The following TAAR1 variants were observed in gnomAD, a reference collection of about 807,000 sequenced individuals.
TAAR1 encodes trace amine-associated receptor 1.
Under a neutral mutation model 1.2 loss-of-function variants are expected in TAAR1, and 1 was observed. The observed-to-expected ratio is 0.81, with a 90% confidence interval of 0.29 to 3.86. The LOEUF is 3.86. Ranked by LOEUF, TAAR1 falls within the 30% of genes most tolerant of loss-of-function variation. TAAR1 has a pLI of 0.18. For missense variants in TAAR1, 445 were observed against 405.6 expected (o/e 1.10, Z -0.83); for synonymous variants, 153 against 132.2 (o/e 1.16, Z -1.08).
chr6:132,647,703 A>AG (rs1562203138), intron 1 of TAAR1, among the ~76,000 whole-genome samples: 4 of 151,368 alleles, frequency 2.6e-5, no homozygotes, highest in African/African-American at 9.7e-5. Context: ...AAGGAAGGAA[A>AG]GAAGGAAGGA....
At chr6:132,656,394 T>A (rs1281012505) in intron 1 of TAAR1, among the ~76,000 whole-genome samples, 1 of 151,474 alleles carries the variant, frequency 6.6e-6, no homozygotes, top group Admixed American at 6.6e-5. Context: ...AGGCAGAAGG[T>A]AAGGAAAGGG....
chr6:132,652,676 A>C (rs28591660), intron 1 of TAAR1, among the ~76,000 whole-genome samples: 36,949 of 146,080 alleles, frequency 0.25, 5,008 homozygotes, highest in East Asian at 0.44. Context: ...AGGATAGAAG[A>C]ATTCCTGGCT....
Position 132,645,572 on chromosome 6 carries a change from G to T in TAAR1, c.432C>A (p.Ile144=). 3.7e-6 allele frequency: 6 copies of T among 1,613,582 alleles called. No homozygotes were observed. In the South Asian group the frequency reaches 6.6e-5, roughly 18 times the overall value. ...KMNILVICVM[I]FISWSVPAVF... ...CAGCAGGGACACTCCAACTAATGAA[G>T]ATCATCACACAAATAACCAAGATAT... The change falls in exon 2 of 2, where the codon ATC becomes ATA. Residue 144 remains isoleucine, a synonymous_variant. Transcript: ENST00000275216.
At chr6:132,653,946 T>C (rs1777774858) in intron 1 of TAAR1, among the ~76,000 whole-genome samples, 2 of 152,212 alleles carry the variant, frequency 1.3e-5, no homozygotes, top group Admixed American at 6.5e-5. Context: ...AGTCTATGAT[T>C]GGCAAAGGAG....
chr6:132,649,559 C>T (rs1777724982), intron 1 of TAAR1, among the ~76,000 whole-genome samples: 1 of 152,174 alleles, frequency 6.6e-6, no homozygotes, highest in African/African-American at 2.4e-5. Flanking sequence ...GTTTAATTGA[C>T]TCACAGTTCC....
chr6:132,655,105 G>A (rs1777790176), intron 1 of TAAR1, among the ~76,000 whole-genome samples: 1 of 152,174 alleles, frequency 6.6e-6, no homozygotes, highest in Admixed American at 6.5e-5. Context: ...GCAGCACAGG[G>A]AGGGGCCAAG....
chr6:132,648,487 C>T (rs945861065), intron 1 of TAAR1, among the ~76,000 whole-genome samples: 1 of 152,156 alleles, frequency 6.6e-6, no homozygotes, highest in Non-Finnish European at 1.5e-5. Context: ...TTTTGTGGCT[C>T]TGACCAAAAT....
At position 132,644,291 on chromosome 6, in the gene TAAR1, A is replaced by C. The variant is rs1007356517; in HGVS notation, c.*693T>G. 1.3e-5 allele frequency among the ~76,000 whole-genome samples: 2 copies of C among 152,104 alleles called. No individual in the cohort carries two copies. The highest frequency in any genetic ancestry group is 4.8e-5 in the African/African-American group (2 of 41,530). On this transcript the variant is annotated 3_prime_UTR_variant, in exon 2 of 2. Coordinates refer to ENST00000275216, the MANE Select transcript of TAAR1 (RefSeq NM_138327.4). ...TCCAAAATAAAAGTTGAAAAAGAGA[A>C]ATATTAATATAAAATAAAGAATTTT...
chr6:132,645,978 A>C lies in TAAR1; in HGVS notation c.26T>G (p.Ile9Ser), dbSNP rs771726836. MMPFCHNI[I>S]NISCVKNNWS... ...GTTGTTTTTCACACAGGAAATATTA[A>C]TTATATTGTGGCAAAAGGGCATCAT... Residue 9 changes from isoleucine to serine, a missense_variant, in exon 2 of 2, where the codon ATT (isoleucine) becomes AGT (serine). Transcript: ENST00000275216. 2 of 1,601,894 alleles carry C rather than the reference A, an allele frequency of 1.2e-6. No homozygotes were observed. The highest frequency in any genetic ancestry group is 1.7e-6 in the Non-Finnish European group (2 of 1,171,486).
At chr6:132,648,146 A>G (rs1777708504) in intron 1 of TAAR1, among the ~76,000 whole-genome samples, 1 of 152,208 alleles carries the variant, frequency 6.6e-6, no homozygotes, top group South Asian at 2.1e-4. Context: ...TTAAGTTTGC[A>G]TTTAACTAAA....
chr6:132,656,346 A>T (rs1777804181), intron 1 of TAAR1, among the ~76,000 whole-genome samples: 1 of 152,180 alleles, frequency 6.6e-6, no homozygotes, highest in Non-Finnish European at 1.5e-5. Context: ...ATACACATAT[A>T]TTTAAATTTA....
intron 1 of TAAR1, among the ~76,000 whole-genome samples, chr6:132,647,477 G>T (rs1315761554): frequency 6.9e-6 from 1 of 145,154 alleles, no homozygotes; most frequent in Non-Finnish European, 1.5e-5. Context: ...AAAAGAGAGA[G>T]AAAGAAAGGA....
intron 1 of TAAR1, among the ~76,000 whole-genome samples, chr6:132,656,350 A>G (rs1041919548): frequency 6.6e-6 from 1 of 152,176 alleles, no homozygotes; most frequent in Middle Eastern, 3.2e-3. Context: ...ACATATATTT[A>G]AATTTAAATA....
At chr6:132,655,022 C>T (rs1338056487) in intron 1 of TAAR1, among the ~76,000 whole-genome samples, 2 of 151,926 alleles carry the variant, frequency 1.3e-5, no homozygotes, top group Non-Finnish European at 2.9e-5. Flanking sequence ...TCTTCATGAC[C>T]GCCAAAAAAA....
At chr6:132,656,081 C>T (rs896098967) in intron 1 of TAAR1, among the ~76,000 whole-genome samples, 1 of 152,116 alleles carries the variant, frequency 6.6e-6, no homozygotes, top group African/African-American at 2.4e-5. Context: ...TGGTTCAAGT[C>T]CTGGCTGGGC....
intron 1 of TAAR1, among the ~76,000 whole-genome samples, chr6:132,649,579 G>C: frequency 6.6e-6 from 1 of 152,094 alleles, no homozygotes; most frequent in Non-Finnish European, 1.5e-5. Context: ...CGCAGGGCTG[G>C]GAAGGCCTCA....
chr6:132,658,939 T>A (rs1379122941), intron 1 of TAAR1, among the ~76,000 whole-genome samples, 191 bp downstream of exon 1: 1 of 152,216 alleles, frequency 6.6e-6, no homozygotes, highest in South Asian at 2.1e-4. Context: ...CTAAAGGGGC[T>A]ACTAAGCAAC....
intron 1 of TAAR1, among the ~76,000 whole-genome samples, chr6:132,654,936 A>G (rs1425989347): frequency 2.0e-5 from 3 of 152,248 alleles, no homozygotes; most frequent in African/African-American, 7.2e-5. Context: ...ACAGCATTAA[A>G]GAATTGGAAG....
rs1562202361 is a variant in TAAR1 at position 132,646,010 on chromosome 6, G to A, written c.-7C>T. 2 of 1,574,824 alleles carry A rather than the reference G, an allele frequency of 1.3e-6. No homozygotes were observed. Among genetic ancestry groups the A allele is most frequent in the Non-Finnish European group, 8.6e-7 (1 of 1,158,314 alleles). ...TGTGGCAAAAGGGCATCATTCCTGA[G>A]GGCTGTCAATCAGTTTACTTTTCCC... On this transcript the variant is annotated 5_prime_UTR_variant, in exon 2 of 2. Transcript: ENST00000275216.
Sources: allele counts gnomAD v4.1 joint callset (sites outside exome capture counted in the v4.1 genomes callset), GRCh38; gene constraint gnomAD v4.1.1; transcripts MANE v1.5; gene names NCBI Gene and HGNC (gene_info 2026-07-23, HGNC 2026-07-21).